CCDC192: variants seen among roughly 807,000 people sequenced by gnomAD.
CCDC192 encodes the protein coiled-coil domain-containing protein 192.
At chr5:127,904,202 G>A (rs950309794) in intron 6 of CCDC192, among the ~76,000 whole-genome samples, 2 of 152,164 alleles carry the variant, frequency 1.3e-5, no homozygotes, top group African/African-American at 4.8e-5. Flanking sequence ...TGGAAAATGG[G>A]AAAGGCAAGA....
intron 6 of CCDC192, among the ~76,000 whole-genome samples, chr5:127,908,408 T>C (rs931837507): frequency 2.0e-5 from 3 of 152,196 alleles, no homozygotes; most frequent in East Asian, 1.9e-4. Flanking sequence ...TAAATCTTAA[T>C]TTTCAAAGAA....
At chr5:127,821,277 C>G (rs1438509290) in intron 5 of CCDC192, among the ~76,000 whole-genome samples, 1 of 152,200 alleles carries the variant, frequency 6.6e-6, no homozygotes, top group Non-Finnish European at 1.5e-5. Flanking sequence ...CTGGCTTTCA[C>G]AAATCTAAAT....
chr5:127,749,620 G>T (rs1308125170), intron 2 of CCDC192, among the ~76,000 whole-genome samples: 7 of 151,700 alleles, frequency 4.6e-5, no homozygotes, highest in Non-Finnish European at 8.8e-5. Context: ...GAATGATGCT[G>T]GCCTCATAAA....
rs373426384 is a variant in CCDC192 at position 127,872,426 on chromosome 5, C to T, written c.412-3112C>T. 1.2e-4 allele frequency among the ~76,000 whole-genome samples: 18 copies of T among 152,246 alleles called. 1 individual carries two copies. In the East Asian group the frequency reaches 2.5e-3, roughly 21 times the overall value. On this transcript the variant is annotated intron_variant, in intron 5 of 6. Coordinates refer to ENST00000514853, the MANE Select transcript of CCDC192 (RefSeq NM_001317938.2). ...TTTAAAGTATACCAACTGTACCAAC[C>T]CTGGAGGCTTTGAGGGCTGAGATGT...
intron 3 of CCDC192, among the ~76,000 whole-genome samples, chr5:127,787,872 A>G (rs1756638416): frequency 1.3e-5 from 2 of 152,186 alleles, no homozygotes; most frequent in Admixed American, 1.3e-4. Flanking sequence ...ACTTGAGGTG[A>G]GGAGTTTGAG....
intron 6 of CCDC192, among the ~76,000 whole-genome samples, chr5:127,937,209 A>G (rs1754210941): frequency 6.6e-6 from 1 of 152,192 alleles, no homozygotes; most frequent in South Asian, 2.1e-4. Context: ...ATTTTCATTT[A>G]ATACATGAGA....
At chr5:127,758,082 C>A (rs536733970) in intron 3 of CCDC192, among the ~76,000 whole-genome samples, 98 of 152,066 alleles carry the variant, frequency 6.4e-4, no homozygotes, top group African/African-American at 2.3e-3. Flanking sequence ...AACAATGGAT[C>A]CTGCCTTTGA....
At chr5:127,918,674 T>C (rs2127186167) in intron 6 of CCDC192, among the ~76,000 whole-genome samples, 1 of 152,338 alleles carries the variant, frequency 6.6e-6, no homozygotes, top group Non-Finnish European at 1.5e-5. Flanking sequence ...TATTGGTTCA[T>C]ATTTATATAA....
At chr5:127,921,937 G>C (rs1391113132) in intron 6 of CCDC192, among the ~76,000 whole-genome samples, 2 of 152,148 alleles carry the variant, frequency 1.3e-5, no homozygotes, top group East Asian at 1.9e-4. Flanking sequence ...ACATTGTCGT[G>C]CACTAAAAAG....
intron 2 of CCDC192, among the ~76,000 whole-genome samples, chr5:127,736,412 T>C (rs930036740): frequency 1.3e-5 from 2 of 151,498 alleles, no homozygotes; most frequent in African/African-American, 2.4e-5. Flanking sequence ...TGTCTCTGCC[T>C]GGCTTTGGTA....
intron 6 of CCDC192, among the ~76,000 whole-genome samples, chr5:127,936,161 T>A (rs1425958880): frequency 6.6e-6 from 1 of 152,166 alleles, no homozygotes; most frequent in African/African-American, 2.4e-5. Context: ...AAATAATTCC[T>A]ATACTGGTAG....
At chr5:127,825,405 A>G (rs1187335659) in intron 5 of CCDC192, among the ~76,000 whole-genome samples, 5 of 152,198 alleles carry the variant, frequency 3.3e-5, no homozygotes, top group African/African-American at 1.2e-4. Context: ...CTTAGAGACC[A>G]TTTTGTTCAA....
chr5:127,860,903 A>T (rs1454565811), intron 5 of CCDC192, among the ~76,000 whole-genome samples: 1 of 152,244 alleles, frequency 6.6e-6, no homozygotes, highest in Non-Finnish European at 1.5e-5. Context: ...ATTTTATACC[A>T]CAAAAATGAC....
intron 6 of CCDC192, among the ~76,000 whole-genome samples, chr5:127,908,701 C>T (rs527261012): frequency 9.3e-4 from 141 of 152,214 alleles, no homozygotes; most frequent in African/African-American, 3.1e-3. Context: ...ATTTCTCCCT[C>T]GCATTTCCTT....
chr5:127,826,589 A>G (rs1405348098), intron 5 of CCDC192, among the ~76,000 whole-genome samples: 1 of 150,042 alleles, frequency 6.7e-6, no homozygotes, highest in Non-Finnish European at 1.5e-5. Context: ...GAATTAATGC[A>G]GGAATAGAAA....
chr5:127,937,084 G>A (rs769997911), intron 6 of CCDC192, among the ~76,000 whole-genome samples: 51 of 152,322 alleles, frequency 3.3e-4, no homozygotes, highest in Non-Finnish European at 5.7e-4. Context: ...TAGTTGTAAT[G>A]TATTTAGAAA....
At chr5:127,720,452 A>G (rs1440881261) in intron 2 of CCDC192, among the ~76,000 whole-genome samples, 2 of 152,176 alleles carry the variant, frequency 1.3e-5, no homozygotes, top group Non-Finnish European at 2.9e-5. Context: ...GACAGCCACC[A>G]TGGCTGCTTT....
chr5:127,792,605 G>A (rs1000281804), intron 3 of CCDC192, among the ~76,000 whole-genome samples: 1 of 151,448 alleles, frequency 6.6e-6, no homozygotes, highest in Non-Finnish European at 1.5e-5. Flanking sequence ...ACCCAGGAAG[G>A]TGAGATGGGA....
intron 3 of CCDC192, among the ~76,000 whole-genome samples, chr5:127,794,514 A>C (rs1757054148): frequency 6.6e-6 from 1 of 152,212 alleles, no homozygotes; most frequent in Non-Finnish European, 1.5e-5. Flanking sequence ...TGCCCAAGAA[A>C]TGTTAACTAT....
Sources: gnomAD v4.1 joint callset for allele counts (sites outside exome capture counted in the v4.1 genomes callset) on GRCh38, gnomAD v4.1.1 for gene constraint, MANE v1.5 for transcripts, NCBI Gene and HGNC (gene_info 2026-07-23, HGNC 2026-07-21) for gene names.